Variants in PLPPR1 observed in about 807,000 individuals in gnomAD.
PLPPR1 encodes phospholipid phosphatase related 1.
PLPPR1 carries 10 observed loss-of-function variants against 33.1 expected under a neutral mutation model. The ratio of observed to expected loss-of-function variants is 0.30; its 90% CI spans 0.19 to 0.51. The LOEUF (loss-of-function observed/expected upper bound fraction) is 0.51. Among genes scored for constraint, PLPPR1 ranks in the 20% least tolerant of loss-of-function variants. The pLI, the probability that PLPPR1 is intolerant of heterozygous loss-of-function variation, is 0.97. For synonymous variants in PLPPR1, 151 were observed against 151.0 expected (o/e 1.00, Z 0.00); for missense variants, 304 against 408.1 (o/e 0.74, Z 2.20).
chr9:101,145,883 G>A (rs1035128983), intron 1 of PLPPR1, among the ~76,000 whole-genome samples: 5 of 149,642 alleles, frequency 3.3e-5, no homozygotes, highest in African/African-American at 1.2e-4. Context: ...AAATATGCTG[G>A]CAAGTGCCTG....
intron 2 of PLPPR1, chr9:101,187,635 A>G (rs1826226807): frequency 1.3e-5 from 2 of 151,930 alleles, no homozygotes; most frequent in African/African-American, 4.8e-5. Flanking sequence ...TCATTCACCA[A>G]ACACTTATTG....
intron 5 of PLPPR1, among the ~76,000 whole-genome samples, chr9:101,310,501 C>T (rs967731574): frequency 1.3e-5 from 2 of 152,200 alleles, no homozygotes; most frequent in Non-Finnish European, 2.9e-5. Flanking sequence ...ACCCACCCCC[C>T]AGGGAGATGC....
intron 1 of PLPPR1, among the ~76,000 whole-genome samples, chr9:101,182,618 A>G (rs1290753713): frequency 2.0e-5 from 3 of 151,808 alleles, no homozygotes; most frequent in Non-Finnish European, 4.4e-5. Context: ...AAGGTACTCA[A>G]TGTCACTGAA....
intron 1 of PLPPR1, among the ~76,000 whole-genome samples, chr9:101,037,788 T>C (rs1001206135): frequency 6.6e-6 from 1 of 151,738 alleles, no homozygotes; most frequent in Non-Finnish European, 1.5e-5. Flanking sequence ...TATCTGTCTG[T>C]ATTTTTTTTT....
At chr9:101,124,572 A>G (rs1478003819) in intron 1 of PLPPR1, among the ~76,000 whole-genome samples, 1 of 152,188 alleles carries the variant, frequency 6.6e-6, no homozygotes, top group Admixed American at 6.5e-5. Context: ...AAGCAAAAAC[A>G]TTTTTGGCTG....
intron 2 of PLPPR1, among the ~76,000 whole-genome samples, chr9:101,229,168 C>A (rs1827133256): frequency 6.6e-6 from 1 of 152,118 alleles, no homozygotes; most frequent in Non-Finnish European, 1.5e-5. Flanking sequence ...CATTAATTCA[C>A]AAGTGTAATT....
At chr9:101,212,965 T>C (rs531898041) in intron 2 of PLPPR1, among the ~76,000 whole-genome samples, 18 of 152,344 alleles carry the variant, frequency 1.2e-4, no homozygotes, top group African/African-American at 4.3e-4. Context: ...CTCTGCCTGT[T>C]GTAGTCATAA....
chr9:101,282,245 C>A (rs921959686), intron 3 of PLPPR1, among the ~76,000 whole-genome samples: 1 of 152,102 alleles, frequency 6.6e-6, no homozygotes, highest in Non-Finnish European at 1.5e-5. Flanking sequence ...CCCAAGGGTG[C>A]AAAGATGGTT....
chr9:101,240,435 A>G (rs998044839), intron 2 of PLPPR1, among the ~76,000 whole-genome samples: 2 of 149,814 alleles, frequency 1.3e-5, no homozygotes, highest in African/African-American at 5.1e-5. Flanking sequence ...TCTCTGAAGA[A>G]TATCATTGGC....
At chr9:101,216,979 G>A (rs1826811037) in intron 2 of PLPPR1, among the ~76,000 whole-genome samples, 1 of 152,144 alleles carries the variant, frequency 6.6e-6, no homozygotes. Context: ...AGAAATTCAT[G>A]TATGGTAAGG....
chr9:101,039,766 G>A (rs1012383003), intron 1 of PLPPR1, among the ~76,000 whole-genome samples: 6 of 151,934 alleles, frequency 3.9e-5, no homozygotes, highest in Non-Finnish European at 5.9e-5. Flanking sequence ...ATCAGATCTC[G>A]TGAGACTCAT....
At chr9:101,047,000 G>A (rs1032787124) in intron 1 of PLPPR1, among the ~76,000 whole-genome samples, 6 of 152,056 alleles carry the variant, frequency 3.9e-5, no homozygotes, top group Non-Finnish European at 8.8e-5. Context: ...TTGGTTTTGG[G>A]ATGAAACTGT....
chr9:101,249,937 C>A (rs1156648200), intron 2 of PLPPR1, among the ~76,000 whole-genome samples: 1 of 152,050 alleles, frequency 6.6e-6, no homozygotes, highest in African/African-American at 2.4e-5. Context: ...GCTTTCCTTT[C>A]TCTACATTGT....
At chr9:101,149,742 T>C (rs1308656313) in intron 1 of PLPPR1, among the ~76,000 whole-genome samples, 1 of 152,192 alleles carries the variant, frequency 6.6e-6, no homozygotes, top group East Asian at 1.9e-4. Flanking sequence ...ATCCATAGAA[T>C]ATTTTTTATC....
chr9:101,119,033 T>A (rs1321848387), intron 1 of PLPPR1, among the ~76,000 whole-genome samples: 1 of 152,142 alleles, frequency 6.6e-6, no homozygotes, highest in Non-Finnish European at 1.5e-5. Flanking sequence ...GTAAGTTGCT[T>A]CTCTCCAATA....
At chr9:101,288,419 G>A (rs1264600936) in intron 4 of PLPPR1, among the ~76,000 whole-genome samples, 2 of 152,176 alleles carry the variant, frequency 1.3e-5, no homozygotes, top group East Asian at 1.9e-4. Context: ...TTCAAATAAG[G>A]TGAGTTAGAG....
intron 1 of PLPPR1, among the ~76,000 whole-genome samples, chr9:101,083,779 T>C (rs1300962950): frequency 6.6e-6 from 1 of 152,226 alleles, no homozygotes; most frequent in East Asian, 1.9e-4. Context: ...TGTTTACTTA[T>C]AAATGCTCAG....
chr9:101,269,285 C>T (rs1372000999), intron 2 of PLPPR1, among the ~76,000 whole-genome samples: 1 of 151,982 alleles, frequency 6.6e-6, no homozygotes. Flanking sequence ...CTGGCAGAAA[C>T]CATTTTGGAA....
At chr9:101,197,547 C>T (rs1167065337) in intron 2 of PLPPR1, among the ~76,000 whole-genome samples, 2 of 152,146 alleles carry the variant, frequency 1.3e-5, no homozygotes, top group Non-Finnish European at 2.9e-5. Context: ...ATTGCAGGCT[C>T]CAAGCCAGAT....
Sources: gnomAD v4.1 joint callset for allele counts (sites outside exome capture counted in the v4.1 genomes callset) on GRCh38, gnomAD v4.1.1 for gene constraint, MANE v1.5 for transcripts, NCBI Gene and HGNC (gene_info 2026-07-23, HGNC 2026-07-21) for gene names.